KCNH5: variants seen among roughly 807,000 people sequenced by gnomAD.
KCNH5 encodes potassium voltage-gated channel subfamily H member 5.
A neutral mutation model predicts 96.1 loss-of-function variants in KCNH5; 46 were observed. That is an observed-to-expected ratio of 0.48 (90% confidence interval 0.38 to 0.61). KCNH5 has a LOEUF of 0.61. Ranked by LOEUF, KCNH5 falls within the 20% of genes least tolerant of loss-of-function variation. The pLI, the probability that KCNH5 is intolerant of heterozygous loss-of-function variation, is 0.00. For synonymous variants in KCNH5, 439 were observed against 449.8 expected (o/e 0.98, Z 0.30); for missense variants, 907 against 1,225.8 (o/e 0.74, Z 3.88).
At chr14:62,916,185 CT>C (rs1275832848) in intron 7 of KCNH5, among the ~76,000 whole-genome samples, 1 of 152,088 alleles carries the variant, frequency 6.6e-6, no homozygotes, top group Non-Finnish European at 1.5e-5. Flanking sequence ...ATCTCCTGAC[CT>C]CGTGATCTGC....
chr14:62,806,053 A>C (rs1453269695), intron 8 of KCNH5, among the ~76,000 whole-genome samples: 1 of 152,118 alleles, frequency 6.6e-6, no homozygotes, highest in Non-Finnish European at 1.5e-5. Context: ...GGTTGCAGTA[A>C]AGAAGCTGGT....
intron 8 of KCNH5, among the ~76,000 whole-genome samples, chr14:62,821,510 A>G (rs1436469227): frequency 6.6e-6 from 1 of 152,138 alleles, no homozygotes; most frequent in Non-Finnish European, 1.5e-5. Flanking sequence ...TAGACATCAA[A>G]CTATCATCTT....
intron 7 of KCNH5, among the ~76,000 whole-genome samples, chr14:62,896,935 T>C (rs1888825130): frequency 1.3e-5 from 2 of 152,186 alleles, no homozygotes; most frequent in African/African-American, 4.8e-5. Context: ...AAATAAGTAA[T>C]ATCACCACAG....
At chr14:62,909,171 A>G (rs868239477) in intron 7 of KCNH5, among the ~76,000 whole-genome samples, 9 of 144,278 alleles carry the variant, frequency 6.2e-5, no homozygotes, top group East Asian at 2.1e-4. Context: ...TCAGCCTCCC[A>G]AGTAGCTGGG....
intron 8 of KCNH5, among the ~76,000 whole-genome samples, chr14:62,841,333 T>G (rs1233422994): frequency 6.6e-6 from 1 of 152,146 alleles, no homozygotes; most frequent in Non-Finnish European, 1.5e-5. Flanking sequence ...CATTTAAAAA[T>G]AAGTGTATCA....
chr14:62,925,654 T>C (rs1042953806), intron 7 of KCNH5, among the ~76,000 whole-genome samples: 1 of 152,070 alleles, frequency 6.6e-6, no homozygotes, highest in African/African-American at 2.4e-5. Context: ...TTTCTTTTAG[T>C]TTTTACATTC....
intron 9 of KCNH5, among the ~76,000 whole-genome samples, chr14:62,788,592 T>C (rs1466877158): frequency 6.6e-6 from 1 of 152,100 alleles, no homozygotes; most frequent in Non-Finnish European, 1.5e-5. Context: ...GGAGAAATAT[T>C]TTATGAAAGG....
chr14:63,003,962 A>G (rs1384147212), intron 3 of KCNH5, among the ~76,000 whole-genome samples: 1 of 151,992 alleles, frequency 6.6e-6, no homozygotes, highest in African/African-American at 2.4e-5. Context: ...TTCTTTCCCC[A>G]CAGTAGAAAC....
chr14:62,766,570 C>G (rs1283024934), intron 10 of KCNH5, among the ~76,000 whole-genome samples: 1 of 152,004 alleles, frequency 6.6e-6, no homozygotes, highest in Non-Finnish European at 1.5e-5. Context: ...ATGAAGCAAG[C>G]CAGGCACAGA....
chr14:62,714,353 T>A (rs1884638672), intron 10 of KCNH5, among the ~76,000 whole-genome samples: 1 of 152,200 alleles, frequency 6.6e-6, no homozygotes, highest in African/African-American at 2.4e-5. Flanking sequence ...GTAAAATGGT[T>A]CAACTTAACA....
At chr14:62,736,796 C>G (rs1290963441) in intron 10 of KCNH5, among the ~76,000 whole-genome samples, 1 of 152,192 alleles carries the variant, frequency 6.6e-6, no homozygotes, top group East Asian at 1.9e-4. Context: ...GTAAACCTGT[C>G]TTTACTGCCG....
intron 6 of KCNH5, among the ~76,000 whole-genome samples, chr14:62,957,578 T>C (rs1308008963): frequency 1.3e-5 from 2 of 152,216 alleles, no homozygotes; most frequent in Non-Finnish European, 2.9e-5. Flanking sequence ...CTGTTTCCTA[T>C]CTCTTAAATC....
At chr14:63,038,015 A>T (rs1243035935) in intron 1 of KCNH5, among the ~76,000 whole-genome samples, 1 of 152,222 alleles carries the variant, frequency 6.6e-6, no homozygotes, top group African/African-American at 2.4e-5. Context: ...CTCAATTTGG[A>T]ATAGGAAGTG....
chr14:62,735,739 A>G (rs1013775481), intron 10 of KCNH5, among the ~76,000 whole-genome samples: 1 of 152,194 alleles, frequency 6.6e-6, no homozygotes, highest in African/African-American at 2.4e-5. Flanking sequence ...CAGCATCTTC[A>G]ATGTCACTTC....
At chr14:62,882,106 A>G (rs1039113780) in intron 7 of KCNH5, among the ~76,000 whole-genome samples, 3 of 129,236 alleles carry the variant, frequency 2.3e-5, no homozygotes, top group Non-Finnish European at 5.0e-5. Flanking sequence ...TTCTTAAAAA[A>G]AAAAAAAAAA....
chr14:62,968,088 T>C (rs1183872419), intron 6 of KCNH5, among the ~76,000 whole-genome samples: 1 of 152,174 alleles, frequency 6.6e-6, no homozygotes, highest in Non-Finnish European at 1.5e-5. Flanking sequence ...CACCAAACTT[T>C]TCAAATCTAA....
chr14:62,708,004 T>A lies in KCNH5; in HGVS notation c.2471A>T (p.Lys824Ile), dbSNP rs766570312. 6.2e-7 allele frequency: 1 copy of A among 1,614,238 alleles called. No individual in the cohort carries two copies. The highest frequency in any genetic ancestry group is 1.6e-4 in the Middle Eastern group (1 of 6,062). ...LKNNMGAHEEKKEDWNNVTKA... is the reference protein window; with the variant it reads ...LKNNMGAHEEIKEDWNNVTKA... The stretch of plus-strand genomic sequence containing the variant: ...AGTGACATTATTCCAGTCTTCCTTT[T>A]TCTCCTCATGGGCTCCCATATTATT... The change falls in exon 11 of 11, where the codon AAA (lysine) becomes ATA (isoleucine). Residue 824 changes from lysine to isoleucine, a missense_variant. Lys to Ile is a moderately radical substitution (Grantham distance 102). Transcript: ENST00000322893.
At chr14:62,895,093 T>A (rs77943309) in intron 7 of KCNH5, among the ~76,000 whole-genome samples, 6,745 of 152,282 alleles carry the variant, frequency 0.044, 208 homozygotes, top group African/African-American at 0.08. Context: ...AATTCCCATG[T>A]GCTCAATTAA....
intron 4 of KCNH5, 127 bp downstream of exon 4, chr14:63,001,204 C>A: frequency 1.4e-6 from 1 of 716,092 alleles, no homozygotes; most frequent in Non-Finnish European, 2.1e-6. Flanking sequence ...AGATTCCAAG[C>A]AATGAAGCAA....
Sources: allele counts gnomAD v4.1 joint callset (sites outside exome capture counted in the v4.1 genomes callset), GRCh38; gene constraint gnomAD v4.1.1; transcripts MANE v1.5; gene names NCBI Gene and HGNC (gene_info 2026-07-23, HGNC 2026-07-21).